GFPT1: variants seen among roughly 807,000 people sequenced by gnomAD.
GFPT1 encodes glutamine--fructose-6-phosphate transaminase 1.
Under a neutral mutation model 92.0 loss-of-function variants are expected in GFPT1, and 40 were observed. The ratio of observed to expected loss-of-function variants is 0.43; its 90% confidence interval spans 0.34 to 0.57. GFPT1 has a LOEUF of 0.57. Among genes scored for constraint, GFPT1 ranks in the 20% least tolerant of loss-of-function variants. The probability of loss-of-function intolerance (pLI) is 0.02; values close to 1 mark genes in which losing one functional copy is unlikely to be tolerated. For synonymous variants in GFPT1, 269 were observed against 280.6 expected, an observed-to-expected ratio of 0.96 and a Z score of 0.41; for missense variants, 448 against 869.1, an observed-to-expected ratio of 0.52 and a Z score of 6.09.
rs984419459 is a variant in GFPT1, at chr2:69,359,019, C to A, written c.408+249G>T. Among the ~76,000 whole-genome samples the A allele has an allele frequency of 2.0e-5, 3 of 152,150 alleles. No individual in the cohort carries two copies. The East Asian group carries it at 5.8e-4, about 29-fold the overall frequency. On this transcript the variant is annotated intron_variant, in intron 5 of 19. Transcript: ENST00000357308. ...TGCAAAAAATGTCTCCACAAAATTC[C>A]AATTTTATTTGAGCCTTTTGTCATG...
rs566660199 is a variant in GFPT1 at position 69,370,176 on chromosome 2, C to T, written c.116-68G>A. The T allele has an allele frequency of 7.8e-6, 7 of 894,084 alleles. No individual in the cohort carries two copies. In the East Asian group the frequency reaches 1.7e-4, roughly 21 times the overall value. 55.4% of individuals were successfully genotyped at this position (894,084 alleles called of 1,614,324 possible). ...TACTGATAAAATTATTAATGTGAGG[C>T]AAAATTTTTAATTAAAAAATACATT... On this transcript the variant is annotated intron_variant, in intron 2 of 19. Coordinates refer to ENST00000357308, the MANE Select transcript of GFPT1 (RefSeq NM_001244710.2).
Position 69,329,344 on chromosome 2 carries a change from T to G in GFPT1, c.1678A>C (p.Ile560Leu), listed in dbSNP as rs1488959858. The G allele has an allele frequency of 1.4e-5, 22 of 1,613,524 alleles. No homozygotes were observed. Among genetic ancestry groups the G allele is most frequent in the Non-Finnish European group, 1.8e-5 (21 of 1,179,420 alleles). ...GCATAATGATAGCCTCGTCCCATTA[T>G]CAGAACTGACTTCTGATGATAAAGT... is the stretch of plus-strand genomic sequence containing the variant. ...TELYHQKSVLIMGRGYHYATC... is the reference protein window; with the variant it reads ...TELYHQKSVLLMGRGYHYATC... Residue 560 changes from isoleucine (I) to leucine (L), a missense_variant, in exon 17 of 20, where the codon ATA becomes CTA. This residue lies in a region of GFPT1 where 73 missense variants were observed against 103.5 expected (regional missense o/e 0.71). Coordinates refer to ENST00000357308, the MANE Select transcript of GFPT1 (RefSeq NM_001244710.2).
intron 3 of GFPT1, among the ~76,000 whole-genome samples, chr2:69,369,553 C>G (rs1387226545): frequency 6.6e-6 from 1 of 152,226 alleles, no homozygotes; most frequent in Non-Finnish European, 1.5e-5. Flanking sequence ...AAACATGATA[C>G]TTACCAGATT....
At chr2:69,384,362 C>A (rs1672077150) in intron 1 of GFPT1, among the ~76,000 whole-genome samples, 1 of 152,124 alleles carries the variant, frequency 6.6e-6, no homozygotes, top group Non-Finnish European at 1.5e-5. Context: ...ACATCAGAAT[C>A]TTCAATCCTC....
At chr2:69,349,533 T>C (rs1203176885) in intron 10 of GFPT1, among the ~76,000 whole-genome samples, 1 of 152,234 alleles carries the variant, frequency 6.6e-6, no homozygotes, top group African/African-American at 2.4e-5. Context: ...TGTTTGCAAT[T>C]TCGGTGATTT....
chr2:69,339,268 T>G (rs906303802), intron 13 of GFPT1, among the ~76,000 whole-genome samples: 1 of 152,124 alleles, frequency 6.6e-6, no homozygotes, highest in East Asian at 1.9e-4. Context: ...TACAAATATA[T>G]AGAGAAAAAT....
At chr2:69,363,017 G>A (rs145730095) in intron 4 of GFPT1, among the ~76,000 whole-genome samples, 21 of 151,844 alleles carry the variant, frequency 1.4e-4, no homozygotes, top group African/African-American at 4.3e-4. Context: ...AGGCCGAGAC[G>A]GGAGGATCAC....
intron 15 of GFPT1, among the ~76,000 whole-genome samples, chr2:69,332,601 G>A (rs865787212): frequency 3.3e-5 from 5 of 151,896 alleles, no homozygotes; most frequent in Middle Eastern, 3.4e-3. Flanking sequence ...CACCACGCCC[G>A]GCCTCTAGTA....
In GFPT1 at chr2:69,354,323, A is replaced by G; in HGVS notation, c.686-11T>C. ...CAATCTGAGTCCTAGCTAAGGATAC[A>G]CAACAGAAAAAAATTCTAATCATCA... On this transcript the variant is annotated splice_polypyrimidine_tract_variant and intron_variant, in intron 8 of 19. Coordinates refer to ENST00000357308, the MANE Select transcript of GFPT1 (RefSeq NM_001244710.2). The G allele has an allele frequency of 1.9e-6, 3 of 1,585,404 alleles. No homozygotes were observed. Among genetic ancestry groups the G allele is most frequent in the Non-Finnish European group, 2.6e-6 (3 of 1,169,826 alleles).
At chr2:69,361,666 C>T (rs1671475116) in intron 4 of GFPT1, among the ~76,000 whole-genome samples, 1 of 152,098 alleles carries the variant, frequency 6.6e-6, no homozygotes, top group African/African-American at 2.4e-5. Flanking sequence ...CCTAAATAGG[C>T]AGCTTCTGAA....
intron 4 of GFPT1, among the ~76,000 whole-genome samples, chr2:69,361,707 A>G (rs1347637517): frequency 8.5e-5 from 13 of 152,180 alleles, no homozygotes; most frequent in African/African-American, 2.9e-4. Context: ...GGCTGGGTGC[A>G]GTGGTTCATG....
chr2:69,324,515 A>T lies in GFPT1; in HGVS notation c.*1674T>A, dbSNP rs888608616. The stretch of plus-strand genomic sequence containing the variant: ...TAAATAGTGACCCTATTTTATTCTT[A>T]AAAAGATCAGGTTTCTAGTCACCAT... On this transcript the variant is annotated 3_prime_UTR_variant, in exon 20 of 20. Transcript: ENST00000357308. 1 of 152,154 alleles carries T rather than the reference A, an allele frequency of 6.6e-6. No homozygotes were observed. The highest frequency in any genetic ancestry group is 1.5e-5 in the Non-Finnish European group (1 of 68,030). The allele number at this position is 152,154 out of a possible 1,614,324, so 9.4% of individuals were successfully genotyped here.
intron 1 of GFPT1, among the ~76,000 whole-genome samples, chr2:69,377,293 T>C (rs1228802638): frequency 6.6e-6 from 1 of 151,956 alleles, no homozygotes; most frequent in African/African-American, 2.4e-5. Flanking sequence ...CATTCAACTT[T>C]AATAATACTT....
intron 1 of GFPT1, among the ~76,000 whole-genome samples, chr2:69,383,774 C>T (rs1290686680): frequency 6.6e-6 from 1 of 152,094 alleles, no homozygotes; most frequent in Non-Finnish European, 1.5e-5. Flanking sequence ...TACAGGCATG[C>T]GCCACTACGC....
chr2:69,359,906 T>C lies in GFPT1; in HGVS notation c.350-580A>G, dbSNP rs562698933. 7.3e-4 allele frequency among the ~76,000 whole-genome samples: 111 copies of C among 152,342 alleles called. 1 individual carries two copies. Among genetic ancestry groups the C allele is most frequent in the African/African-American group, 2.6e-3 (107 of 41,580 alleles). On this transcript the variant is annotated intron_variant, in intron 4 of 19. Coordinates refer to ENST00000357308, the MANE Select transcript of GFPT1 (RefSeq NM_001244710.2). The stretch of plus-strand genomic sequence containing the variant: ...TGTCAGAAACATAAATGTTAAAATA[T>C]CATTCCAAGAGAAAATAGACATGAT...
chr2:69,364,114 C>CAAAAAAA (rs10715095), intron 3 of GFPT1, among the ~76,000 whole-genome samples: 1 of 99,128 alleles, frequency 1.0e-5, no homozygotes, highest in Non-Finnish European at 2.2e-5. Context: ...GACTCCATCT[C>CAAAAAAA]AAAAAAAAAA....
At chr2:69,368,767 G>A (rs1671671286) in intron 3 of GFPT1, among the ~76,000 whole-genome samples, 1 of 151,912 alleles carries the variant, frequency 6.6e-6, no homozygotes, top group African/African-American at 2.4e-5. Context: ...ACCACGAAGA[G>A]GCATGTTTCA....
intron 1 of GFPT1, 118 bp from the exon 2 acceptor site, chr2:69,374,231 C>T (rs906796997): frequency 1.6e-5 from 9 of 572,486 alleles, no homozygotes; most frequent in African/African-American, 9.5e-5. Flanking sequence ...CATTTCAAAC[C>T]GTTTAAAGGC....
At chr2:69,352,570 G>A (rs1034759941) in intron 9 of GFPT1, among the ~76,000 whole-genome samples, 5 of 113,826 alleles carry the variant, frequency 4.4e-5, no homozygotes, top group East Asian at 5.9e-4. Flanking sequence ...CCGAGATCAC[G>A]CCACTGCACT....
Sources: allele counts gnomAD v4.1 joint callset (sites outside exome capture counted in the v4.1 genomes callset), GRCh38; gene constraint gnomAD v4.1.1; regional missense constraint gnomAD v4.1.1; transcripts MANE v1.5; gene names NCBI Gene and HGNC (gene_info 2026-07-23, HGNC 2026-07-21).